Variants in ALK observed in about 807,000 individuals in gnomAD.
ALK encodes the protein ALK receptor tyrosine kinase.
ALK carries 74 observed loss-of-function variants against 163.1 expected under a neutral mutation model. That is an observed-to-expected ratio of 0.45 (90% confidence interval 0.38 to 0.55). The LOEUF (loss-of-function observed/expected upper bound fraction) is 0.55, where lower values mean the gene tolerates loss of function less well. Among genes scored for constraint, ALK ranks in the 20% least tolerant of loss-of-function variants. The pLI, the probability that ALK is intolerant of heterozygous loss-of-function variation, is 0.00. For missense variants in ALK, 2,063 were observed against 2,105.3 expected (o/e 0.98, Z 0.39); for synonymous variants, 960 against 843.2 (o/e 1.14, Z -2.40).
intron 3 of ALK, among the ~76,000 whole-genome samples, chr2:29,628,938 T>A (rs1399969366): frequency 6.6e-6 from 1 of 152,184 alleles, no homozygotes; most frequent in East Asian, 1.9e-4. Context: ...ACCCCATATA[T>A]AGGAGCCAGT....
intron 1 of ALK, among the ~76,000 whole-genome samples, chr2:29,766,704 G>A (rs1301249336): frequency 6.6e-6 from 1 of 152,180 alleles, no homozygotes; most frequent in South Asian, 2.1e-4. Flanking sequence ...CTAGTATCAG[G>A]CCTGGAGCAA....
intron 3 of ALK, among the ~76,000 whole-genome samples, chr2:29,651,251 C>T (rs1372887722): frequency 6.6e-6 from 1 of 152,160 alleles, no homozygotes; most frequent in Admixed American, 6.5e-5. Context: ...TGGTTGGGAA[C>T]GTGTAAAACA....
intron 5 of ALK, among the ~76,000 whole-genome samples, chr2:29,359,623 T>G (rs536424381): frequency 1.3e-5 from 2 of 152,332 alleles, no homozygotes; most frequent in South Asian, 4.1e-4. Flanking sequence ...TGAAGGTGAC[T>G]TTGGGATCAA....
intron 5 of ALK, among the ~76,000 whole-genome samples, chr2:29,344,274 A>G (rs189704292): frequency 6.6e-6 from 1 of 152,314 alleles, no homozygotes; most frequent in African/African-American, 2.4e-5. Context: ...CGAGAGGACT[A>G]TGGAGAGATG....
At chr2:29,566,582 G>A (rs766522577) in intron 3 of ALK, among the ~76,000 whole-genome samples, 12 of 152,096 alleles carry the variant, frequency 7.9e-5, no homozygotes, top group Non-Finnish European at 1.6e-4. Flanking sequence ...GGAGATTTCT[G>A]GAGGAAAATT....
chr2:29,823,757 A>G (rs1665116181), intron 1 of ALK, among the ~76,000 whole-genome samples: 1 of 152,238 alleles, frequency 6.6e-6, no homozygotes, highest in South Asian at 2.1e-4. Flanking sequence ...ATTCAGTTTC[A>G]TAAGGAAGCA....
intron 4 of ALK, among the ~76,000 whole-genome samples, chr2:29,499,970 C>T (rs549733279): frequency 1.3e-5 from 2 of 152,286 alleles, no homozygotes; most frequent in South Asian, 4.2e-4. Flanking sequence ...GTCACCAACA[C>T]TGGGGACATT....
chr2:29,341,663 G>A (rs1297660361), intron 5 of ALK, among the ~76,000 whole-genome samples: 1 of 152,200 alleles, frequency 6.6e-6, no homozygotes, highest in Non-Finnish European at 1.5e-5. Context: ...AAAGCCAAGT[G>A]CAAAACAGAC....
rs150720517 is a variant in ALK, at chr2:29,457,661, G to A, written c.1155-73802C>T. Among the ~76,000 whole-genome samples the A allele has an allele frequency of 1.1e-3, 166 of 152,188 alleles. 4 individuals carry two copies. The highest frequency in any genetic ancestry group is 8.3e-3 in the Admixed American group (127 of 15,284). ...ATCAGGGAGCTTGGGTTCAGATCAC[G>A]TTTTCAAACCTGTCACATCTACATA... is the stretch of plus-strand genomic sequence containing the variant. On this transcript the variant is annotated intron_variant, in intron 4 of 28. Transcript: ENST00000389048.
At chr2:29,788,637 A>G (rs541491662) in intron 1 of ALK, among the ~76,000 whole-genome samples, 86 of 152,314 alleles carry the variant, frequency 5.6e-4, no homozygotes, top group Middle Eastern at 3.4e-3. Flanking sequence ...AAAGAGACTC[A>G]AAGAACCTCA....
intron 1 of ALK, among the ~76,000 whole-genome samples, chr2:29,860,276 C>T (rs1007820954): frequency 2.0e-5 from 3 of 151,876 alleles, no homozygotes; most frequent in African/African-American, 7.3e-5. Flanking sequence ...CCTCTCAAAT[C>T]CTACCATATG....
chr2:29,707,034 G>C (rs1023066658), intron 2 of ALK, among the ~76,000 whole-genome samples: 1 of 116,438 alleles, frequency 8.6e-6, no homozygotes, highest in Non-Finnish European at 2.0e-5. Context: ...TGTGTGTTGG[G>C]TAAGGAAGTC....
At chr2:29,357,297 C>T (rs989793036) in intron 5 of ALK, among the ~76,000 whole-genome samples, 1 of 152,166 alleles carries the variant, frequency 6.6e-6, no homozygotes, top group Non-Finnish European at 1.5e-5. Flanking sequence ...TCATCTCCTC[C>T]TCATGACCAC....
At chr2:29,559,497 CTCCACA>C (rs370737944) in intron 3 of ALK, among the ~76,000 whole-genome samples, 1 of 152,294 alleles carries the variant, frequency 6.6e-6, no homozygotes, top group East Asian at 1.9e-4. Flanking sequence ...TTCCTTGTCT[CTCCACA>C]TTCTTAATAT....
chr2:29,728,455 T>G (rs889564522), intron 1 of ALK, among the ~76,000 whole-genome samples: 1 of 152,242 alleles, frequency 6.6e-6, no homozygotes, highest in African/African-American at 2.4e-5. Context: ...GCTTCCAGGC[T>G]GAGGAGCTTA....
At chr2:29,511,894 G>T (rs553431150) in intron 4 of ALK, among the ~76,000 whole-genome samples, 53 of 152,192 alleles carry the variant, frequency 3.5e-4, no homozygotes, top group African/African-American at 1.3e-3. Flanking sequence ...ATGGCCATTT[G>T]TATATCTTCT....
chr2:29,811,690 T>C (rs1302620892), intron 1 of ALK, among the ~76,000 whole-genome samples: 1 of 152,188 alleles, frequency 6.6e-6, no homozygotes, highest in Non-Finnish European at 1.5e-5. Context: ...AAACAGAGGA[T>C]GGCAGATTGC....
At chr2:29,555,628 T>C (rs1281183554) in intron 3 of ALK, among the ~76,000 whole-genome samples, 4 of 152,188 alleles carry the variant, frequency 2.6e-5, no homozygotes, top group African/African-American at 7.2e-5. Flanking sequence ...CTTCAATTCA[T>C]AAATTCTGTA....
intron 19 of ALK, 167 bp from the exon 20 acceptor site, chr2:29,223,695 C>A (rs1573125930): frequency 4.7e-6 from 3 of 643,742 alleles, no homozygotes; most frequent in East Asian, 5.5e-5. Flanking sequence ...GAAGGTGTGT[C>A]TTTAATTGAA....
Sources: gnomAD v4.1 joint callset for allele counts (sites outside exome capture counted in the v4.1 genomes callset) on GRCh38, gnomAD v4.1.1 for gene constraint, MANE v1.5 for transcripts, NCBI Gene and HGNC (gene_info 2026-07-23, HGNC 2026-07-21) for gene names.